KLF7: variants seen among roughly 807,000 people sequenced by gnomAD.
KLF7 encodes the protein KLF transcription factor 7.
KLF7 carries 2 observed loss-of-function variants against 27.3 expected under a neutral mutation model. The ratio of observed to expected loss-of-function variants is 0.07; its 90% confidence interval spans 0.03 to 0.23. The LOEUF is 0.23. KLF7 is among the 10% of genes least tolerant of loss of function. The pLI is 1.00. For synonymous variants in KLF7, 165 were observed against 162.4 expected, an observed-to-expected ratio of 1.02 and a Z score of -0.12; for missense variants, 221 against 394.1, an observed-to-expected ratio of 0.56 and a Z score of 3.72.
At chr2:207,142,082 TG>T (rs2077958606) in intron 1 of KLF7, among the ~76,000 whole-genome samples, 1 of 152,100 alleles carries the variant, frequency 6.6e-6, no homozygotes, top group Admixed American at 6.6e-5. Flanking sequence ...GCAAGAGCTC[TG>T]ACAAATCCAA....
the KLF7 span, among the ~76,000 whole-genome samples, chr2:207,173,295 C>T: frequency 2.0e-5 from 3 of 152,230 alleles, no homozygotes; most frequent in South Asian, 2.1e-4. Flanking sequence ...TTTGACTTCC[C>T]GCTTGTTCTG....
chr2:207,144,650 G>A (rs1444295272), intron 1 of KLF7, among the ~76,000 whole-genome samples: 4 of 152,046 alleles, frequency 2.6e-5, no homozygotes, highest in Non-Finnish European at 5.9e-5. Flanking sequence ...CTGGTCTTTC[G>A]GTCATCCTGC....
intron 1 of KLF7, among the ~76,000 whole-genome samples, chr2:207,152,272 TACACACACACACACACAC>T (rs67380335): frequency 1.1e-3 from 168 of 150,576 alleles, no homozygotes; most frequent in African/African-American, 3.1e-3. Context: ...ATGTTTTTCT[TACACACACACACACACAC>T]ACACACACAC....
intron 1 of KLF7, 84 bp from the exon 2 acceptor site, chr2:207,124,488 A>C: frequency 7.5e-7 from 1 of 1,337,672 alleles, no homozygotes; most frequent in East Asian, 2.3e-5. Context: ...CAGAGGGGGA[A>C]GGTGCAGAGA....
At chr2:207,137,559 C>G (rs2077823263) in intron 1 of KLF7, among the ~76,000 whole-genome samples, 1 of 152,192 alleles carries the variant, frequency 6.6e-6, no homozygotes, top group African/African-American at 2.4e-5. Flanking sequence ...AACCCTCGAA[C>G]ACTGAACCTG....
chr2:207,113,538 G>C (rs1245649087), intron 2 of KLF7, among the ~76,000 whole-genome samples: 1 of 138,136 alleles, frequency 7.2e-6, no homozygotes, highest in Non-Finnish European at 1.5e-5. Flanking sequence ...GGCCCAGACT[G>C]GTACCCAGCA....
In KLF7 at chr2:207,123,768, C is replaced by A; in HGVS notation, c.733+6G>T. The A allele has an allele frequency of 6.2e-7, 1 of 1,608,378 alleles. No individual in the cohort carries two copies. The highest frequency in any genetic ancestry group is 8.5e-7 in the Non-Finnish European group (1 of 1,176,966). On this transcript the variant is annotated splice_donor_region_variant and intron_variant, in intron 2 of 3. Transcript: ENST00000309446. ...GAAACCACGTGCGGCCAACTTGTAC[C>A]ACTACCTGTGTGAGTCCTCTGGTGG...
In KLF7 at chr2:207,135,819, G is replaced by GA. The variant is rs3216675; in HGVS notation, c.103-11416dup. The stretch of plus-strand genomic sequence containing the variant: ...ACTTGTCTCTAACGTTTTTCATTTG[G>GA]AAAAAAAAAAAATTAAATGCTTACT... On this transcript the variant is annotated intron_variant, in intron 1 of 3. Coordinates refer to ENST00000309446, the MANE Select transcript of KLF7 (RefSeq NM_003709.4). Among the ~76,000 whole-genome samples the GA allele has an allele frequency of 6.1e-3, 891 of 145,106 alleles. 5 individuals are homozygous for GA. The highest frequency in any genetic ancestry group is 0.021 in the Middle Eastern group (6 of 284).
intron 1 of KLF7, among the ~76,000 whole-genome samples, chr2:207,151,300 T>C (rs771855302): frequency 6.6e-6 from 1 of 152,072 alleles, no homozygotes; most frequent in Non-Finnish European, 1.5e-5. Flanking sequence ...GTTTAAAATA[T>C]TGCAAGGAGG....
intron 3 of KLF7, among the ~76,000 whole-genome samples, chr2:207,081,616 CATGTTA>C (rs1188831287): frequency 4.6e-5 from 7 of 151,950 alleles, no homozygotes; most frequent in African/African-American, 1.5e-4. Context: ...GATCTCAGTG[CATGTTA>C]ACTGTTATGA....
At chr2:207,090,325 A>G (rs2076482239) in intron 2 of KLF7, among the ~76,000 whole-genome samples, 1 of 152,234 alleles carries the variant, frequency 6.6e-6, no homozygotes, top group Non-Finnish European at 1.5e-5. Flanking sequence ...GTGCTGGCTG[A>G]AGAAAAGGTA....
chr2:207,171,152 T>G (rs2078781561), upstream of KLF7, among the ~76,000 whole-genome samples: 1 of 151,278 alleles, frequency 6.6e-6, no homozygotes, highest in South Asian at 2.1e-4. Context: ...TCTGGGTGAC[T>G]TTGAGGGGTT....
At chr2:207,081,704 T>C (rs2076275961) in intron 3 of KLF7, among the ~76,000 whole-genome samples, 1 of 152,116 alleles carries the variant, frequency 6.6e-6, no homozygotes, top group South Asian at 2.1e-4. Context: ...ATACTGTAAA[T>C]ATAATAAAGA....
chr2:207,113,185 TA>T (rs2105945868), intron 2 of KLF7, among the ~76,000 whole-genome samples: 1 of 152,378 alleles, frequency 6.6e-6, no homozygotes, highest in East Asian at 1.9e-4. Context: ...AAAGTATTTT[TA>T]ATATCTGCAC....
intron 2 of KLF7, among the ~76,000 whole-genome samples, chr2:207,106,041 T>TA (rs1466363856): frequency 6.6e-6 from 1 of 152,244 alleles, no homozygotes; most frequent in Non-Finnish European, 1.5e-5. Flanking sequence ...TTGAGCTAAA[T>TA]AAAATACAGT....
rs1359258095 is a variant in KLF7 at position 207,099,550 on chromosome 2, C to CTATATATATATATATATATATATA, written c.734-10970_734-10969insTATATATATATATATATATATATA. Among the ~76,000 whole-genome samples the CTATATATATATATATATATATATA allele has an allele frequency of 8.5e-3, 194 of 22,808 alleles. 14 individuals carry two copies. Among genetic ancestry groups the CTATATATATATATATATATATATA allele is most frequent in the Middle Eastern group, 0.042 (1 of 24 alleles). 15.0% of individuals were successfully genotyped at this position (22,808 alleles called of 152,430 possible). A position where few individuals can be genotyped will look rare whatever the true frequency, so the allele number is the denominator to read the frequency against. The stretch of plus-strand genomic sequence containing the variant: ...AAAAGTTAACTTTCTGCTACATATG[C>CTATATATATATATATATATATATA]GATATATATATATATATATATATGA... On this transcript the variant is annotated intron_variant, in intron 2 of 3. Coordinates refer to ENST00000309446, the MANE Select transcript of KLF7 (RefSeq NM_003709.4).
intron 2 of KLF7, among the ~76,000 whole-genome samples, chr2:207,115,011 A>C (rs12466841): frequency 6.6e-6 from 1 of 152,042 alleles, no homozygotes; most frequent in African/African-American, 2.4e-5. Flanking sequence ...TTAAAGGCAG[A>C]AACAACAAAA....
chr2:207,162,950 T>C (rs1402013753), intron 1 of KLF7, among the ~76,000 whole-genome samples: 1 of 152,232 alleles, frequency 6.6e-6, no homozygotes, highest in Admixed American at 6.5e-5. Flanking sequence ...TGGGGTTCTT[T>C]GCAGAAACCC....
intron 2 of KLF7, 99 bp downstream of exon 2, chr2:207,123,675 G>A: frequency 7.5e-7 from 1 of 1,326,402 alleles, no homozygotes; most frequent in South Asian, 1.4e-5. Flanking sequence ...CTCCTCATCA[G>A]CAGGGGTGCC....
Sources: allele counts gnomAD v4.1 joint callset (sites outside exome capture counted in the v4.1 genomes callset), GRCh38; gene constraint gnomAD v4.1.1; transcripts MANE v1.5; gene names NCBI Gene and HGNC (gene_info 2026-07-23, HGNC 2026-07-21).